The following PTPRO variants were observed in gnomAD, a reference collection of about 807,000 sequenced individuals.
The protein encoded by PTPRO is protein tyrosine phosphatase receptor type O.
Under a neutral mutation model 145.2 loss-of-function variants are expected in PTPRO, and 62 were observed. That is an observed-to-expected ratio of 0.43 (90% CI 0.35 to 0.53). The LOEUF is 0.53. PTPRO is among the 20% of genes least tolerant of loss of function. The probability of loss-of-function intolerance (pLI) is 0.01; values close to 1 mark genes in which losing one functional copy is unlikely to be tolerated. For synonymous variants in PTPRO, 565 were observed against 514.7 expected (o/e 1.10, Z -1.32); for missense variants, 1,345 against 1,482.7 (o/e 0.91, Z 1.53).
rs35302259 is a variant in PTPRO at position 15,420,148 on chromosome 12, GAAAAAAAA to G, written c.76-63810_76-63803del. 0.012 allele frequency among the ~76,000 whole-genome samples: 990 copies of G among 81,718 alleles called. 86 individuals are homozygous for G. The East Asian group carries it at 0.25, about 20-fold the overall frequency. 53.6% of individuals were successfully genotyped at this position (81,718 alleles called of 152,430 possible). On this transcript the variant is annotated intron_variant, in intron 1 of 26. Transcript: ENST00000281171. ...GGCGAAAGAGCGAGACTCCGACTCA[GAAAAAAAA>G]AAAAAAAAAAAAAAAGAGTGTCCCC... is the stretch of plus-strand genomic sequence containing the variant.
At chr12:15,513,140 G>A (rs7484357) in intron 7 of PTPRO, among the ~76,000 whole-genome samples, 559 of 10,134 alleles carry the variant, frequency 0.055, 8 homozygotes, top group East Asian at 0.08. Flanking sequence ...AGGAAGGAAG[G>A]AAGAAAGAAA....
intron 1 of PTPRO, among the ~76,000 whole-genome samples, chr12:15,373,756 A>G (rs1393508109): frequency 6.6e-6 from 1 of 152,220 alleles, no homozygotes; most frequent in Non-Finnish European, 1.5e-5. Flanking sequence ...ACTAGCAAGG[A>G]TACATTTTCT....
chr12:15,493,043 T>C (rs576490511), intron 2 of PTPRO, among the ~76,000 whole-genome samples: 1 of 152,098 alleles, frequency 6.6e-6, no homozygotes, highest in African/African-American at 2.4e-5. Flanking sequence ...TTATTATATA[T>C]CATCAGATTA....
intron 12 of PTPRO, among the ~76,000 whole-genome samples, chr12:15,535,522 G>A (rs1000121868): frequency 6.6e-6 from 1 of 152,216 alleles, no homozygotes. Context: ...TCGAGATAAG[G>A]AATCATATAA....
intron 13 of PTPRO, among the ~76,000 whole-genome samples, chr12:15,548,336 G>A (rs1404910763): frequency 2.0e-5 from 3 of 152,172 alleles, no homozygotes; most frequent in Non-Finnish European, 2.9e-5. Context: ...TGCCAAAGGT[G>A]AGTAACTTGC....
intron 2 of PTPRO, among the ~76,000 whole-genome samples, chr12:15,489,482 G>T (rs1644708163): frequency 6.6e-6 from 1 of 152,130 alleles, no homozygotes; most frequent in Admixed American, 6.6e-5. Context: ...CGGAACTGAG[G>T]GTTTATGCCC....
At chr12:15,488,937 CAT>C (rs959686420) in intron 2 of PTPRO, among the ~76,000 whole-genome samples, 1 of 152,124 alleles carries the variant, frequency 6.6e-6, no homozygotes, top group African/African-American at 2.4e-5. Context: ...GGAAATGTCA[CAT>C]ACACACAGCT....
At chr12:15,464,521 A>ATTTT (rs144293051) in intron 1 of PTPRO, among the ~76,000 whole-genome samples, 1 of 143,362 alleles carries the variant, frequency 7.0e-6, no homozygotes, top group African/African-American at 2.6e-5. Flanking sequence ...CGCCCAGCTA[A>ATTTT]TTTTGTTTTT....
At chr12:15,443,125 C>T (rs895194663) in intron 1 of PTPRO, among the ~76,000 whole-genome samples, 4 of 152,056 alleles carry the variant, frequency 2.6e-5, no homozygotes, top group African/African-American at 9.7e-5. Context: ...AAAAGAGACA[C>T]GTAGACCAAT....
chr12:15,593,006 TG>T (rs1944584832), intron 25 of PTPRO, among the ~76,000 whole-genome samples: 1 of 152,222 alleles, frequency 6.6e-6, no homozygotes, highest in Non-Finnish European at 1.5e-5. Flanking sequence ...GTTGTTTGGT[TG>T]TTTTTTGTTT....
At chr12:15,587,519 GA>G (rs1944454835) in intron 24 of PTPRO, among the ~76,000 whole-genome samples, 2 of 152,054 alleles carry the variant, frequency 1.3e-5, no homozygotes, top group Admixed American at 1.3e-4. Context: ...AAAAGGAAAA[GA>G]AAAATGAAAA....
At chr12:15,453,632 T>C (rs1817226189) in intron 1 of PTPRO, among the ~76,000 whole-genome samples, 1 of 152,220 alleles carries the variant, frequency 6.6e-6, no homozygotes, top group Non-Finnish European at 1.5e-5. Flanking sequence ...GTTAAGTGTA[T>C]ATTTGTTTTG....
intron 1 of PTPRO, among the ~76,000 whole-genome samples, chr12:15,378,698 T>C (rs1938763259): frequency 6.6e-6 from 1 of 151,948 alleles, no homozygotes; most frequent in Non-Finnish European, 1.5e-5. Context: ...TCTAAATCAT[T>C]CCATGAAGCC....
At chr12:15,485,564 T>A (rs1466289295) in intron 2 of PTPRO, among the ~76,000 whole-genome samples, 1 of 151,980 alleles carries the variant, frequency 6.6e-6, no homozygotes, top group Admixed American at 6.6e-5. Context: ...GTTGAGCAAG[T>A]AATAGGAGAG....
intron 1 of PTPRO, among the ~76,000 whole-genome samples, chr12:15,351,931 T>C (rs185450157): frequency 6.6e-6 from 1 of 152,334 alleles, no homozygotes; most frequent in East Asian, 1.9e-4. Context: ...AACATGTGAT[T>C]TGCAATAACT....
chr12:15,402,712 T>G (rs942227026), intron 1 of PTPRO, among the ~76,000 whole-genome samples: 1 of 150,032 alleles, frequency 6.7e-6, no homozygotes, highest in African/African-American at 2.4e-5. Context: ...GCCTTTATGT[T>G]TGTTATTTCA....
At chr12:15,497,521 T>C (rs926334675) in intron 3 of PTPRO, 118 bp downstream of exon 3, 6 of 1,096,368 alleles carry the variant, frequency 5.5e-6, no homozygotes, top group African/African-American at 1.6e-5. Context: ...GACCTATAAA[T>C]GAGCCATTAA....
chr12:15,579,014 A>G (rs547642716), intron 20 of PTPRO, 71 bp downstream of exon 20: 19 of 1,355,286 alleles, frequency 1.4e-5, no homozygotes, highest in Non-Finnish European at 1.8e-5. Context: ...AGATTAATCA[A>G]TTTCACCAAT....
chr12:15,434,800 A>T (rs1467790785), intron 1 of PTPRO, among the ~76,000 whole-genome samples: 1 of 152,222 alleles, frequency 6.6e-6, no homozygotes, highest in Non-Finnish European at 1.5e-5. Flanking sequence ...ATGTTCAATG[A>T]ATCACTGATT....
Sources: gnomAD v4.1 joint callset for allele counts (sites outside exome capture counted in the v4.1 genomes callset) on GRCh38, gnomAD v4.1.1 for gene constraint, MANE v1.5 for transcripts, NCBI Gene and HGNC (gene_info 2026-07-23, HGNC 2026-07-21) for gene names.